DGKG: variants seen among roughly 807,000 people sequenced by gnomAD.
DGKG encodes the protein diacylglycerol kinase gamma, also known as DAG kinase gamma.
DGKG carries 78 observed loss-of-function variants against 105.3 expected under a neutral mutation model. The ratio of observed to expected loss-of-function variants is 0.74; its 90% CI spans 0.62 to 0.89. The LOEUF (loss-of-function observed/expected upper bound fraction) is 0.89. Ranked by LOEUF, DGKG falls within the 40% of genes least tolerant of loss-of-function variation. The pLI is 0.00. For missense variants in DGKG, 958 were observed against 1,020.1 expected (o/e 0.94, Z 0.83); for synonymous variants, 346 against 367.1 (o/e 0.94, Z 0.66).
chr3:186,251,111 G>GC (rs906550698), intron 19 of DGKG, among the ~76,000 whole-genome samples: 1 of 105,962 alleles, frequency 9.4e-6, no homozygotes, highest in African/African-American at 5.5e-5. Flanking sequence ...GCATGGCAGT[G>GC]GGGGGCACCA....
At chr3:186,280,333 A>G (rs150512664) in intron 8 of DGKG, among the ~76,000 whole-genome samples, 2 of 152,386 alleles carry the variant, frequency 1.3e-5, no homozygotes, top group African/African-American at 4.8e-5. Flanking sequence ...CTTATAATTC[A>G]TATTATCTGG....
intron 22 of DGKG, among the ~76,000 whole-genome samples, chr3:186,187,773 A>C (rs2098487): frequency 0.55 from 84,236 of 151,880 alleles, 23,972 homozygotes; most frequent in East Asian, 0.72. Flanking sequence ...AAGGAGTGAC[A>C]AGTGAGCGGG....
At chr3:186,264,898 G>A (rs1471071335) in intron 14 of DGKG, among the ~76,000 whole-genome samples, 1 of 152,242 alleles carries the variant, frequency 6.6e-6, no homozygotes. Context: ...ATGTTCTGGA[G>A]ACAGCTTGGC....
At position 186,203,044 on chromosome 3, in the gene DGKG, G is replaced by A. The variant is rs1718551302; in HGVS notation, c.1917+8751C>T. ...GAAGTGAACTACAGGGTGCACATTA[G>A]TAAGAAATAAAAAAGAGGGTCATTT... On this transcript the variant is annotated intron_variant, in intron 21 of 24. Coordinates refer to ENST00000265022, the MANE Select transcript of DGKG (RefSeq NM_001346.3). The surrounding 1 kb of genome is among the most constrained non-coding windows in gnomAD (Gnocchi z 4.9). Among the ~76,000 whole-genome samples the A allele has an allele frequency of 6.6e-6, 1 of 152,172 alleles. No homozygotes were observed. The highest frequency in any genetic ancestry group is 1.5e-5 in the Non-Finnish European group (1 of 68,022).
At chr3:186,280,554 A>G (rs1722782782) in intron 8 of DGKG, 116 bp downstream of exon 8, 2 of 745,578 alleles carry the variant, frequency 2.7e-6, no homozygotes, top group Non-Finnish European at 4.5e-6. Context: ...GAAGCTGCCT[A>G]TAAGAAGATG....
At chr3:186,269,006 C>A in intron 11 of DGKG, 89 bp from the exon 12 acceptor site, 1 of 873,720 alleles carries the variant, frequency 1.1e-6, no homozygotes, top group South Asian at 1.4e-5. Flanking sequence ...TGGGAGGGGA[C>A]GCGGGGGAGC....
intron 24 of DGKG, chr3:186,161,295 AG>A: frequency 8.7e-7 from 1 of 1,152,322 alleles, no homozygotes. Flanking sequence ...ATTCAAGCTG[AG>A]GCTGTCCAGG....
At chr3:186,274,328 C>G (rs550677997) in intron 10 of DGKG, among the ~76,000 whole-genome samples, 1 of 152,302 alleles carries the variant, frequency 6.6e-6, no homozygotes, top group South Asian at 2.1e-4. Context: ...GCTGGGATTA[C>G]AGGCGCATGC....
chr3:186,259,466 C>T (rs867348504), intron 16 of DGKG, among the ~76,000 whole-genome samples: 3 of 152,168 alleles, frequency 2.0e-5, no homozygotes, highest in Non-Finnish European at 2.9e-5. Flanking sequence ...GTACTGAATC[C>T]GCACTTATGT....
chr3:186,312,168 G>C (rs550664163), intron 2 of DGKG, among the ~76,000 whole-genome samples: 1 of 120,968 alleles, frequency 8.3e-6, no homozygotes, highest in African/African-American at 2.9e-5. Flanking sequence ...AGAACACAGA[G>C]TATTTGAGCA....
chr3:186,280,786 C>T, intron 7 of DGKG, 42 bp from the exon 8 acceptor site: 1 of 1,546,704 alleles, frequency 6.5e-7, no homozygotes, highest in Non-Finnish European at 8.9e-7. Flanking sequence ...AGGAGACAAC[C>T]AGAGATGTGT....
At chr3:186,190,725 C>A (rs1164683365) in intron 21 of DGKG, among the ~76,000 whole-genome samples, 1 of 152,206 alleles carries the variant, frequency 6.6e-6, no homozygotes, top group African/African-American at 2.4e-5. Flanking sequence ...TCATCTGGCT[C>A]TCAGCCCGTG....
Position 186,267,794 on chromosome 3 carries a change from A to G in DGKG, c.1117-17T>C, listed in dbSNP as rs372811673. The G allele has an allele frequency of 6.3e-5, 101 of 1,609,920 alleles. 1 individual carries two copies. In the Admixed American group the frequency reaches 6.7e-4, roughly 11 times the overall value. On this transcript the variant is annotated splice_polypyrimidine_tract_variant and intron_variant, in intron 12 of 24. Coordinates refer to ENST00000265022, the MANE Select transcript of DGKG (RefSeq NM_001346.3). ...GCGGTGAAACTGGGGGGAGAAATGAAAAAGAGAGTGAGTGAAAGTGAGCAA... is the reference window on the plus strand; with the variant it reads ...GCGGTGAAACTGGGGGGAGAAATGAGAAAGAGAGTGAGTGAAAGTGAGCAA...
At chr3:186,188,066 G>A (rs1477927129) in intron 22 of DGKG, 136 bp downstream of exon 22, 21 of 1,023,888 alleles carry the variant, frequency 2.1e-5, no homozygotes, top group Middle Eastern at 2.5e-4. Flanking sequence ...TTGCAACATC[G>A]GATGACGAGT....
Position 186,232,038 on chromosome 3 carries a change from T to C in DGKG, c.1826+10466A>G, listed in dbSNP as rs982125708. Among the ~76,000 whole-genome samples the C allele has an allele frequency of 4.6e-5, 7 of 152,192 alleles. 1 individual carries two copies. In the South Asian group the frequency reaches 1.2e-3, roughly 27 times the overall value. On this transcript the variant is annotated intron_variant, in intron 20 of 24. Transcript: ENST00000265022. ...GTTCTTTTGAGATACAGCAAAACTATAGACAGGACCCAGAATCGTGTTGAA... is the reference window on the plus strand; with the variant it reads ...GTTCTTTTGAGATACAGCAAAACTACAGACAGGACCCAGAATCGTGTTGAA...
intron 19 of DGKG, among the ~76,000 whole-genome samples, chr3:186,243,393 C>A (rs1210709988): frequency 1.3e-5 from 2 of 152,018 alleles, no homozygotes; most frequent in African/African-American, 4.8e-5. Flanking sequence ...ATGCACTGTG[C>A]TCCTGGGCTC....
chr3:186,268,452 T>C (rs1459824039), intron 12 of DGKG, among the ~76,000 whole-genome samples: 1 of 152,168 alleles, frequency 6.6e-6, no homozygotes, highest in African/African-American at 2.4e-5. Flanking sequence ...TGTTGTCCAA[T>C]TTTTCTCCCA....
At chr3:186,235,661 G>A (rs894408327) in intron 20 of DGKG, among the ~76,000 whole-genome samples, 8 of 152,206 alleles carry the variant, frequency 5.3e-5, no homozygotes, top group African/African-American at 1.7e-4. Flanking sequence ...CATACTGCAG[G>A]TATTCAAGAG....
At chr3:186,275,019 T>C (rs1578762388) in intron 10 of DGKG, among the ~76,000 whole-genome samples, 1 of 152,262 alleles carries the variant, frequency 6.6e-6, no homozygotes, top group Admixed American at 6.5e-5. Flanking sequence ...GTAAAAGTGT[T>C]CCTATTTCTC....
Sources: allele counts gnomAD v4.1 joint callset (sites outside exome capture counted in the v4.1 genomes callset), GRCh38; gene constraint gnomAD v4.1.1; non-coding constraint Gnocchi (gnomAD v3.1); transcripts MANE v1.5; gene names NCBI Gene and HGNC (gene_info 2026-07-23, HGNC 2026-07-21).